The following FOXP4 variants were observed in gnomAD, a reference collection of about 807,000 sequenced individuals.
FOXP4 encodes forkhead box P4.
A neutral mutation model predicts 82.6 loss-of-function variants in FOXP4; 25 were observed. The observed-to-expected ratio is 0.30, with a 90% CI of 0.22 to 0.42. The LOEUF is 0.42. FOXP4 is among the 10% of genes least tolerant of loss of function. FOXP4 has a pLI of 1.00. For missense variants in FOXP4, 785 were observed against 900.9 expected (o/e 0.87, Z 1.65); for synonymous variants, 415 against 388.2 (o/e 1.07, Z -0.81).
At chr6:41,556,115 G>C (rs1397817726) in intron 1 of FOXP4, among the ~76,000 whole-genome samples, 2 of 152,010 alleles carry the variant, frequency 1.3e-5, no homozygotes, top group Non-Finnish European at 2.9e-5. Context: ...AGTGACTCGG[G>C]GAGTTAGGAC....
chr6:41,560,163 TGTCTCAGGCCA>T (rs1275943855), intron 1 of FOXP4, among the ~76,000 whole-genome samples: 1 of 150,444 alleles, frequency 6.6e-6, no homozygotes, highest in Non-Finnish European at 1.5e-5. Flanking sequence ...CCAGGTGCAG[TGTCTCAGGCCA>T]GTAATCCCAG....
chr6:41,590,207 G>GTGAGGCTGT (rs774727613), intron 11 of FOXP4, 37 bp downstream of exon 11: 13 of 1,608,064 alleles, frequency 8.1e-6, no homozygotes, highest in Non-Finnish European at 1.1e-5. Flanking sequence ...CGACAGCAGC[G>GTGAGGCTGT]TGAGGCTGTT....
In FOXP4 at chr6:41,599,216, C is replaced by G. The variant is rs542821243; in HGVS notation, c.*280C>G. 1.5e-4 allele frequency: 45 copies of G among 294,818 alleles called. No individual in the cohort carries two copies. Among genetic ancestry groups the G allele is most frequent in the Middle Eastern group, 9.9e-4 (1 of 1,008 alleles). 18.3% of individuals were successfully genotyped at this position (294,818 alleles called of 1,614,324 possible). A position where few individuals can be genotyped will look rare whatever the true frequency, so the allele number is the denominator to read the frequency against. ...TCCCCACATCTGAAACTGCCTCCCCCCAACCACCAGCAGCAGCAGGGCCCT... is the reference window on the plus strand; with the variant it reads ...TCCCCACATCTGAAACTGCCTCCCCGCAACCACCAGCAGCAGCAGGGCCCT... On this transcript the variant is annotated 3_prime_UTR_variant, in exon 17 of 17. Coordinates refer to ENST00000307972, the MANE Select transcript of FOXP4 (RefSeq NM_001012426.2).
chr6:41,556,330 T>G (rs1158763413), intron 1 of FOXP4, among the ~76,000 whole-genome samples: 1 of 151,574 alleles, frequency 6.6e-6, no homozygotes, highest in Non-Finnish European at 1.5e-5. Context: ...TGAATGTTTT[T>G]TTTTTTTTTT....
chr6:41,590,717 T>C (rs550362327), intron 12 of FOXP4, among the ~76,000 whole-genome samples: 1 of 152,292 alleles, frequency 6.6e-6, no homozygotes, highest in Admixed American at 6.5e-5. Context: ...GTTCACATAG[T>C]ATTCACACTC....
intron 1 of FOXP4, among the ~76,000 whole-genome samples, chr6:41,562,151 G>A (rs1308697767): frequency 6.6e-6 from 1 of 152,198 alleles, no homozygotes; most frequent in African/African-American, 2.4e-5. Flanking sequence ...CATCCTTGGC[G>A]GGCAGGTATC....
At chr6:41,562,696 T>G (rs1764654905) in intron 1 of FOXP4, among the ~76,000 whole-genome samples, 1 of 152,196 alleles carries the variant, frequency 6.6e-6, no homozygotes, top group African/African-American at 2.4e-5. Flanking sequence ...GAGGCTCTGG[T>G]CTTTGTCCCT....
Position 41,565,732 on chromosome 6 carries a change from CTT to C in FOXP4, c.-16-12_-16-11del. 1 of 1,567,038 alleles carries C rather than the reference CTT, an allele frequency of 6.4e-7. No individual in the cohort carries two copies. Among genetic ancestry groups the C allele is most frequent in the South Asian group, 1.2e-5 (1 of 83,650 alleles). ...GCCTCAGCCTCTCCCCTGTGTCTCT[CTT>C]CCTCCTCCAGGTACCGCTAGAGCGA... On this transcript the variant is annotated splice_polypyrimidine_tract_variant and intron_variant, in intron 1 of 16. Coordinates refer to ENST00000307972, the MANE Select transcript of FOXP4 (RefSeq NM_001012426.2).
intron 3 of FOXP4, among the ~76,000 whole-genome samples, chr6:41,582,841 G>A (rs926937675): frequency 1.1e-4 from 17 of 151,994 alleles, no homozygotes; most frequent in South Asian, 8.3e-4. Context: ...GCCTCCGGAC[G>A]TCCCACCTCC....
At chr6:41,588,596 G>A in intron 8 of FOXP4, 48 bp from the exon 9 acceptor site, 1 of 1,574,270 alleles carries the variant, frequency 6.4e-7, no homozygotes, top group Non-Finnish European at 8.7e-7. Context: ...GATGGTGGCA[G>A]CAGGGAAACC....
intron 1 of FOXP4, among the ~76,000 whole-genome samples, chr6:41,560,267 G>A (rs1764492327): frequency 6.6e-6 from 1 of 152,066 alleles, no homozygotes; most frequent in African/African-American, 2.4e-5. Flanking sequence ...ACTCTCCCCC[G>A]CACCACCACC....
chr6:41,600,648 G>A lies in FOXP4; in HGVS notation c.*1712G>A, dbSNP rs549771315. The A allele has an allele frequency of 6.6e-6, 1 of 152,486 alleles. No homozygotes were observed. Among genetic ancestry groups the A allele is most frequent in the African/African-American group, 2.4e-5 (1 of 41,584 alleles). 9.4% of individuals were successfully genotyped at this position (152,486 alleles called of 1,614,324 possible). A position where few individuals can be genotyped will look rare whatever the true frequency, so the allele number is the denominator to read the frequency against. ...CGGGCCCTGTGTGTGTCACCGAGGT[G>A]CGGGAGGGGAGGAGCATTAAAGCTG... On this transcript the variant is annotated 3_prime_UTR_variant, in exon 17 of 17. Transcript: ENST00000307972.
chr6:41,581,327 G>A (rs573293044), intron 3 of FOXP4, among the ~76,000 whole-genome samples: 131 of 152,298 alleles, frequency 8.6e-4, no homozygotes, highest in African/African-American at 3.0e-3. Flanking sequence ...CCTCAAATAA[G>A]CTTCCTGTGT....
chr6:41,570,229 T>C, intron 2 of FOXP4: 1 of 454,412 alleles, frequency 2.2e-6, no homozygotes, highest in Non-Finnish European at 4.6e-6. Context: ...CCTTCTGCAT[T>C]CTCCTTTTTC....
chr6:41,584,252 G>A (rs1219502310), intron 3 of FOXP4, among the ~76,000 whole-genome samples: 1 of 152,228 alleles, frequency 6.6e-6, no homozygotes, highest in Non-Finnish European at 1.5e-5. Context: ...TGCAAGGTGG[G>A]CCACGTTTTG....
intron 1 of FOXP4, among the ~76,000 whole-genome samples, chr6:41,562,632 A>G (rs1305342646): frequency 6.6e-6 from 1 of 152,168 alleles, no homozygotes; most frequent in East Asian, 1.9e-4. Flanking sequence ...CCCTAACCCC[A>G]GGGAAGTAAC....
chr6:41,590,325 C>T lies in FOXP4; in HGVS notation c.1412C>T (p.Thr471Ile), dbSNP rs1330301544. 1 of 1,613,844 alleles carries T rather than the reference C, an allele frequency of 6.2e-7. No individual in the cohort carries two copies. The highest frequency in any genetic ancestry group is 8.5e-7 in the Non-Finnish European group (1 of 1,180,002). Residue 471 changes from threonine (T) to isoleucine (I), a missense_variant, in exon 12 of 17, where the codon ACC becomes ATC. By Grantham distance (89) the Thr-to-Ile change is moderately conservative. Coordinates refer to ENST00000307972, the MANE Select transcript of FOXP4 (RefSeq NM_001012426.2). ...AACGCCGACGTCCGGCCCCCCTTCA[C>T]CTACGCCTCCCTCATCCGCCAGGTG... ...YKNADVRPPF[T>I]YASLIRQAIL...
At chr6:41,577,606 T>C (rs1765558129) in intron 2 of FOXP4, among the ~76,000 whole-genome samples, 1 of 152,202 alleles carries the variant, frequency 6.6e-6, no homozygotes, top group African/African-American at 2.4e-5. Context: ...AATAAGCTCT[T>C]GCCTGTACAG....
intron 14 of FOXP4, among the ~76,000 whole-genome samples, chr6:41,595,824 G>A (rs960214983): frequency 6.6e-6 from 1 of 152,070 alleles, no homozygotes; most frequent in Admixed American, 6.5e-5. Flanking sequence ...GGCTGGTCTC[G>A]AATTCCCAAC....
Sources: gnomAD v4.1 joint callset for allele counts (sites outside exome capture counted in the v4.1 genomes callset) on GRCh38, gnomAD v4.1.1 for gene constraint, MANE v1.5 for transcripts, NCBI Gene and HGNC (gene_info 2026-07-23, HGNC 2026-07-21) for gene names.